KCNAB1: variants seen among roughly 807,000 people sequenced by gnomAD.
KCNAB1 encodes voltage-gated potassium channel subunit beta-1.
In KCNAB1, 35 loss-of-function variants were observed where a neutral mutation model predicts 64.6. The ratio of observed to expected loss-of-function variants is 0.54; its 90% confidence interval spans 0.41 to 0.72. The LOEUF (loss-of-function observed/expected upper bound fraction) is 0.72. Ranked by LOEUF, KCNAB1 falls within the 30% of genes least tolerant of loss-of-function variation. KCNAB1 has a pLI of 0.00. For missense variants in KCNAB1, 401 were observed against 512.9 expected (o/e 0.78, Z 2.11); for synonymous variants, 177 against 183.8 (o/e 0.96, Z 0.30).
chr3:156,523,709 C>A, intron 11 of KCNAB1, 118 bp from the exon 12 acceptor site: 2 of 941,178 alleles, frequency 2.1e-6, no homozygotes, highest in Non-Finnish European at 3.3e-6. Flanking sequence ...CAGTGTGAAA[C>A]ATAAGGGTCA....
chr3:156,532,519 C>CCTTCGTTGGTA (rs1394133760), intron 13 of KCNAB1, among the ~76,000 whole-genome samples: 10 of 152,344 alleles, frequency 6.6e-5, no homozygotes, highest in African/African-American at 2.4e-4. Context: ...GCAACAAGCA[C>CCTTCGTTGGTA]ACAGCCCTGT....
chr3:156,205,357 A>C (rs761078760), intron 1 of KCNAB1, among the ~76,000 whole-genome samples: 1 of 152,216 alleles, frequency 6.6e-6, no homozygotes, highest in Non-Finnish European at 1.5e-5. Context: ...TATTTCAATA[A>C]ATAATAGTGA....
chr3:156,357,225 A>G (rs919960721), intron 1 of KCNAB1, among the ~76,000 whole-genome samples: 1 of 152,110 alleles, frequency 6.6e-6, no homozygotes, highest in African/African-American at 2.4e-5. Context: ...AAGACTGGAT[A>G]GATGTCTGGT....
chr3:156,288,203 G>C (rs1356306265), intron 1 of KCNAB1, among the ~76,000 whole-genome samples: 1 of 152,164 alleles, frequency 6.6e-6, no homozygotes, highest in Non-Finnish European at 1.5e-5. Context: ...ATGGACACCA[G>C]TCACATTGGG....
chr3:156,299,141 A>T (rs1390407082), intron 1 of KCNAB1, among the ~76,000 whole-genome samples: 1 of 152,258 alleles, frequency 6.6e-6, no homozygotes, highest in Non-Finnish European at 1.5e-5. Context: ...CCAAGGGCAG[A>T]GTTCCTTATG....
At chr3:156,369,688 A>C (rs1004690172) in intron 1 of KCNAB1, among the ~76,000 whole-genome samples, 2 of 152,232 alleles carry the variant, frequency 1.3e-5, no homozygotes, top group African/African-American at 4.8e-5. Context: ...CAGTTCAGAA[A>C]ACAGAATCCA....
intron 1 of KCNAB1, among the ~76,000 whole-genome samples, chr3:156,127,149 T>C (rs559851356): frequency 2.6e-5 from 4 of 152,310 alleles, no homozygotes; most frequent in Admixed American, 6.5e-5. Flanking sequence ...TTTTTCCACA[T>C]TCCTGGAACA....
rs1719175939 is a variant in KCNAB1, at chr3:156,538,033, G to C, written c.*1286G>C. ...CTTACCCTTGTTGCACTCGAAATCTGAGGTGTATCTAGCCCTGCCACTATT... is the reference window on the plus strand; with the variant it reads ...CTTACCCTTGTTGCACTCGAAATCTCAGGTGTATCTAGCCCTGCCACTATT... On this transcript the variant is annotated 3_prime_UTR_variant, in exon 14 of 14. Coordinates refer to ENST00000490337, the MANE Select transcript of KCNAB1 (RefSeq NM_172160.3). The C allele has an allele frequency of 6.6e-6, 1 of 152,116 alleles. No homozygotes were observed. Among genetic ancestry groups the C allele is most frequent in the African/African-American group, 2.4e-5 (1 of 41,428 alleles). 9.4% of individuals were successfully genotyped at this position (152,116 alleles called of 1,614,324 possible). A position where few individuals can be genotyped will look rare whatever the true frequency, so the allele number is the denominator to read the frequency against.
intron 2 of KCNAB1, among the ~76,000 whole-genome samples, chr3:156,430,089 A>G (rs1048790426): frequency 6.6e-6 from 1 of 152,230 alleles, no homozygotes; most frequent in Non-Finnish European, 1.5e-5. Flanking sequence ...ATTGCTGACA[A>G]AAAGAAAGAA....
chr3:156,158,052 C>G (rs1180474263), intron 1 of KCNAB1, among the ~76,000 whole-genome samples: 1 of 151,344 alleles, frequency 6.6e-6, no homozygotes, highest in Non-Finnish European at 1.5e-5. Context: ...GTAGTCCCAG[C>G]TACTGGGAAG....
At chr3:156,408,547 A>G (rs1714415075) in intron 1 of KCNAB1, among the ~76,000 whole-genome samples, 1 of 152,220 alleles carries the variant, frequency 6.6e-6, no homozygotes, top group South Asian at 2.1e-4. Flanking sequence ...TGGGAGGCCA[A>G]GGTGGGTGGA....
chr3:156,480,915 G>C (rs1714751448), intron 8 of KCNAB1, among the ~76,000 whole-genome samples: 1 of 152,108 alleles, frequency 6.6e-6, no homozygotes, highest in Non-Finnish European at 1.5e-5. Flanking sequence ...ATGAATGACT[G>C]AGCAAGTGTT....
At chr3:156,198,303 T>G (rs1271882026) in intron 1 of KCNAB1, among the ~76,000 whole-genome samples, 1 of 152,172 alleles carries the variant, frequency 6.6e-6, no homozygotes, top group Non-Finnish European at 1.5e-5. Flanking sequence ...GTCTATTAGG[T>G]CTGCTTGGTT....
intron 1 of KCNAB1, among the ~76,000 whole-genome samples, chr3:156,167,355 G>A (rs1711649454): frequency 6.6e-6 from 1 of 152,108 alleles, no homozygotes; most frequent in African/African-American, 2.4e-5. Context: ...GCATGAGCTG[G>A]TCCCCAAGCC....
chr3:156,134,436 A>C (rs961000404), intron 1 of KCNAB1, among the ~76,000 whole-genome samples: 1 of 152,228 alleles, frequency 6.6e-6, no homozygotes, highest in Non-Finnish European at 1.5e-5. Context: ...TGTTCAAATT[A>C]TGACCAAGAA....
intron 2 of KCNAB1, among the ~76,000 whole-genome samples, chr3:156,439,602 T>C (rs1027780681): frequency 6.6e-6 from 1 of 152,174 alleles, no homozygotes; most frequent in Non-Finnish European, 1.5e-5. Context: ...CACAGATGTA[T>C]ACTCTTTCCG....
chr3:156,273,549 G>C (rs565789133), intron 1 of KCNAB1: 1 of 456,440 alleles, frequency 2.2e-6, no homozygotes, highest in African/African-American at 2.0e-5. Flanking sequence ...CCTCCCCTAA[G>C]CACACAGATG....
At chr3:156,233,559 C>G (rs116465604) in intron 1 of KCNAB1, among the ~76,000 whole-genome samples, 101 of 152,194 alleles carry the variant, frequency 6.6e-4, no homozygotes, top group African/African-American at 2.1e-3. Flanking sequence ...TGCTTTCTTT[C>G]ATAGTGAGAT....
chr3:156,418,270 T>A (rs1715227150), intron 1 of KCNAB1, among the ~76,000 whole-genome samples: 1 of 152,204 alleles, frequency 6.6e-6, no homozygotes, highest in Non-Finnish European at 1.5e-5. Flanking sequence ...TCATATAAAG[T>A]TGTTTTTCTG....
Sources: gnomAD v4.1 joint callset for allele counts (sites outside exome capture counted in the v4.1 genomes callset) on GRCh38, gnomAD v4.1.1 for gene constraint, MANE v1.5 for transcripts, NCBI Gene and HGNC (gene_info 2026-07-23, HGNC 2026-07-21) for gene names.